Variants in TNFRSF13C observed in about 807,000 individuals in gnomAD.
The protein encoded by TNFRSF13C is TNF receptor superfamily member 13C, also known as tumor necrosis factor receptor superfamily member 13C.
Under a neutral mutation model 12.1 loss-of-function variants are expected in TNFRSF13C, and 7 were observed. The observed-to-expected ratio is 0.58, with a 90% CI of 0.33 to 1.08. The LOEUF is 1.08. Ranked by LOEUF, TNFRSF13C falls within the 50% of genes least tolerant of loss-of-function variation. TNFRSF13C has a pLI of 0.04. For synonymous variants in TNFRSF13C, 157 were observed against 130.8 expected, an observed-to-expected ratio of 1.20 and a Z score of -1.37; for missense variants, 260 against 265.9, an observed-to-expected ratio of 0.98 and a Z score of 0.15.
Position 41,926,384 on chromosome 22 carries a change from GC to G in TNFRSF13C, c.137-54del. ...GCCAGGGGGCCGAGGGGAGGGAGGAGCGGGGACGGGGAGGGGCGGAGGGGGG... is the reference window on the plus strand; with the variant it reads ...GCCAGGGGGCCGAGGGGAGGGAGGAGGGGGACGGGGAGGGGCGGAGGGGGG... On this transcript the variant is annotated intron_variant, in intron 1 of 2. Transcript: ENST00000291232. This position sits in a 1 kb window ranked among gnomAD's most constrained non-coding sequence, Gnocchi z 4.9. 1 of 1,326,476 alleles carries G rather than the reference GC, an allele frequency of 7.5e-7. No individual in the cohort carries two copies. Among genetic ancestry groups the G allele is most frequent in the Non-Finnish European group, 9.6e-7 (1 of 1,040,772 alleles). The allele number at this position is 1,326,476 out of a possible 1,614,324, so 82.2% of individuals were successfully genotyped here.
intron 2 of TNFRSF13C, 141 bp from the exon 3 acceptor site, chr22:41,925,695 TC>T: frequency 9.6e-7 from 1 of 1,039,126 alleles, no homozygotes; most frequent in Non-Finnish European, 1.4e-6. Flanking sequence ...TGACCCTGAG[TC>T]CAGAGGCCTG....
At position 41,926,798 on chromosome 22, in the gene TNFRSF13C, G is replaced by T. The variant is rs2077635748; in HGVS notation, c.-25C>A. Reference sequence around the variant, plus strand: ...TGGTGCCGACGCCGCCGCACAAGCTGCGGGGACTGAGGCTGAGCTGGGCTC... The same window carrying T: ...TGGTGCCGACGCCGCCGCACAAGCTTCGGGGACTGAGGCTGAGCTGGGCTC... On this transcript the variant is annotated 5_prime_UTR_variant, in exon 1 of 3. Coordinates refer to ENST00000291232, the MANE Select transcript of TNFRSF13C (RefSeq NM_052945.4). This position sits in a 1 kb window ranked among gnomAD's most constrained non-coding sequence, Gnocchi z 4.9. 7.6e-7 allele frequency: 1 copy of T among 1,307,898 alleles called. No individual in the cohort carries two copies. 81.0% of individuals were successfully genotyped at this position (1,307,898 alleles called of 1,614,324 possible). A position where few individuals can be genotyped will look rare whatever the true frequency, so the allele number is the denominator to read the frequency against.
chr22:41,922,407 G>C lies in TNFRSF13C; in HGVS notation c.*2960C>G, dbSNP rs1012723148. On this transcript the variant is annotated 3_prime_UTR_variant, in exon 3 of 3. Coordinates refer to ENST00000291232, the MANE Select transcript of TNFRSF13C (RefSeq NM_052945.4). ...TAAATGCATATGAGAATTATCTAAG[G>C]TTCCTTCCTGCCCTTCTCTGGGGAC... 3.9e-5 allele frequency: 6 copies of C among 152,238 alleles called. No individual in the cohort carries two copies. The highest frequency in any genetic ancestry group is 2.6e-4 in the Admixed American group (4 of 15,290). 9.4% of individuals were successfully genotyped at this position (152,238 alleles called of 1,614,324 possible).
chr22:41,923,141 G>C lies in TNFRSF13C; in HGVS notation c.*2226C>G, dbSNP rs1388551550. On this transcript the variant is annotated 3_prime_UTR_variant, in exon 3 of 3. Transcript: ENST00000291232. ...TCCAGAGGCCTGGCAAGGGACAGGA[G>C]GGGCAGGAGAAGCAGGGGTCTACAG... 6.4e-6 allele frequency: 1 copy of C among 155,608 alleles called. No individual in the cohort carries two copies. Among genetic ancestry groups the C allele is most frequent in the Non-Finnish European group, 1.4e-5 (1 of 69,048 alleles). The allele number at this position is 155,608 out of a possible 1,614,324, so 9.6% of individuals were successfully genotyped here. A position where few individuals can be genotyped will look rare whatever the true frequency, so the allele number is the denominator to read the frequency against.
At position 41,923,204 on chromosome 22, in the gene TNFRSF13C, A is replaced by G; in HGVS notation, c.*2163T>C. 1 of 155,458 alleles carries G rather than the reference A, an allele frequency of 6.4e-6. No homozygotes were observed. The highest frequency in any genetic ancestry group is 1.5e-5 in the Non-Finnish European group (1 of 68,960). The allele number at this position is 155,458 out of a possible 1,614,324, so 9.6% of individuals were successfully genotyped here. On this transcript the variant is annotated 3_prime_UTR_variant, in exon 3 of 3. Transcript: ENST00000291232. ...GCAGCTCAGGGGGAGGCAGGCAGAA[A>G]ACATCTGATGCACAGAACAGAACAT...
chr22:41,925,127 CAGG>C lies in TNFRSF13C; in HGVS notation c.*237_*239del, dbSNP rs1299040468. The stretch of plus-strand genomic sequence containing the variant: ...CCCCAGCCTTTTGAAGGCACAGGAA[CAGG>C]AGCTGGGCTACCACCTTCAAGGGCT... On this transcript the variant is annotated 3_prime_UTR_variant, in exon 3 of 3. Transcript: ENST00000291232. 8 of 490,236 alleles carry C rather than the reference CAGG, an allele frequency of 1.6e-5. No homozygotes were observed. Among genetic ancestry groups the C allele is most frequent in the Non-Finnish European group, 2.2e-5 (6 of 275,616 alleles). 30.4% of individuals were successfully genotyped at this position (490,236 alleles called of 1,614,324 possible). A position where few individuals can be genotyped will look rare whatever the true frequency, so the allele number is the denominator to read the frequency against.
At position 41,922,272 on chromosome 22, in the gene TNFRSF13C, A is replaced by G. The variant is rs530025568; in HGVS notation, c.*3095T>C. Reference sequence around the variant, plus strand: ...AATGCCTATCTTCATTTTTTTCACAAAAAAAAATTTAAACAAACACAAACA... The same window carrying G: ...AATGCCTATCTTCATTTTTTTCACAGAAAAAAATTTAAACAAACACAAACA... On this transcript the variant is annotated 3_prime_UTR_variant, in exon 3 of 3. Transcript: ENST00000291232. The G allele has an allele frequency of 6.6e-6, 1 of 152,158 alleles. No homozygotes were observed. The highest frequency in any genetic ancestry group is 1.5e-5 in the Non-Finnish European group (1 of 67,994). The allele number at this position is 152,158 out of a possible 1,614,324, so 9.4% of individuals were successfully genotyped here. A position where few individuals can be genotyped will look rare whatever the true frequency, so the allele number is the denominator to read the frequency against.
Position 41,925,675 on chromosome 22 carries a change from G to A in TNFRSF13C, c.368-121C>T, listed in dbSNP as rs925040712. The A allele has an allele frequency of 1.0e-5, 13 of 1,262,976 alleles. No homozygotes were observed. The African/African-American group carries it at 1.9e-4, about 19-fold the overall frequency. The allele number at this position is 1,262,976 out of a possible 1,614,324, so 78.2% of individuals were successfully genotyped here. ...AGCCCAATGCAGGGTGGGGAGGGGTGGCACCTGGCTGACCCTGAGTCCAGA... is the reference window on the plus strand; with the variant it reads ...AGCCCAATGCAGGGTGGGGAGGGGTAGCACCTGGCTGACCCTGAGTCCAGA... On this transcript the variant is annotated intron_variant, in intron 2 of 2. Coordinates refer to ENST00000291232, the MANE Select transcript of TNFRSF13C (RefSeq NM_052945.4).
intron 2 of TNFRSF13C, 72 bp from the exon 3 acceptor site, chr22:41,925,626 G>GT: frequency 6.4e-7 from 1 of 1,573,694 alleles, no homozygotes; most frequent in Non-Finnish European, 8.6e-7. Flanking sequence ...GACTCCTCTG[G>GT]AGGGGCAGTC....
Position 41,925,571 on chromosome 22 carries a change from T to C in TNFRSF13C, c.368-17A>G, listed in dbSNP as rs541120654. 2 of 1,610,126 alleles carry C rather than the reference T, an allele frequency of 1.2e-6. No homozygotes were observed. The highest frequency in any genetic ancestry group is 1.7e-5 in the Admixed American group (1 of 59,954). ...GCTCTGGGGCTGCAGGCAGAGGGGGTAGAGGCTCCGTACTCAGTCACAGCC... is the reference window on the plus strand; with the variant it reads ...GCTCTGGGGCTGCAGGCAGAGGGGGCAGAGGCTCCGTACTCAGTCACAGCC... On this transcript the variant is annotated splice_polypyrimidine_tract_variant and intron_variant, in intron 2 of 2. Coordinates refer to ENST00000291232, the MANE Select transcript of TNFRSF13C (RefSeq NM_052945.4).
In TNFRSF13C at chr22:41,926,763, C is replaced by T. The variant is rs2077635455; in HGVS notation, c.11G>A (p.Gly4Glu). 2.2e-6 allele frequency: 3 copies of T among 1,355,188 alleles called. No homozygotes were observed. The highest frequency in any genetic ancestry group is 2.7e-4 in the Middle Eastern group (1 of 3,734). The allele number at this position is 1,355,188 out of a possible 1,614,324, so 83.9% of individuals were successfully genotyped here. MRR[G>E]PRSLRGRDAP... ...GTCCCTGCCCCGCAGGCTCCGGGGCCCTCGCCTCATGGTGCCGACGCCGCC... is the reference window on the plus strand; with the variant it reads ...GTCCCTGCCCCGCAGGCTCCGGGGCTCTCGCCTCATGGTGCCGACGCCGCC... The change falls in exon 1 of 3, where the codon GGG becomes GAG. Residue 4 changes from glycine to glutamate, a missense_variant. Physicochemically the swap from Gly to Glu is moderately conservative, Grantham distance 98. Coordinates refer to ENST00000291232, the MANE Select transcript of TNFRSF13C (RefSeq NM_052945.4). The surrounding 1 kb of genome is among the most constrained non-coding windows in gnomAD (Gnocchi z 4.9).
rs577781803 is a variant in TNFRSF13C, at chr22:41,926,117, G to A, written c.351C>T (p.Pro117=). The stretch of plus-strand genomic sequence containing the variant: ...GGAACTCACCGTCCTTGTCTCCGTC[G>A]GGGGCCTCTGCGGAGGACGCGCCGC... ...RLRGASSAEA[P]DGDKDAPEPL... is the part of the protein sequence containing the mutation. Residue 117 remains proline (P), a synonymous_variant, in exon 2 of 3, where the codon CCC becomes CCT. Coordinates refer to ENST00000291232, the MANE Select transcript of TNFRSF13C (RefSeq NM_052945.4). This position sits in a 1 kb window ranked among gnomAD's most constrained non-coding sequence, Gnocchi z 4.9. 3 of 1,612,218 alleles carry A rather than the reference G, an allele frequency of 1.9e-6. No homozygotes were observed. The East Asian group carries it at 6.7e-5, about 36-fold the overall frequency.
Position 41,925,193 on chromosome 22 carries a change from A to G in TNFRSF13C, c.*174T>C. On this transcript the variant is annotated 3_prime_UTR_variant, in exon 3 of 3. Transcript: ENST00000291232. ...GAGGTCTGAAGCCAAAGGCAAGCAC[A>G]CCAAACTCCATGGGGGCTGAATGCT... The G allele has an allele frequency of 6.8e-6, 5 of 734,944 alleles. No individual in the cohort carries two copies. Among genetic ancestry groups the G allele is most frequent in the Non-Finnish European group, 1.1e-5 (5 of 463,438 alleles). 45.5% of individuals were successfully genotyped at this position (734,944 alleles called of 1,614,324 possible). A position where few individuals can be genotyped will look rare whatever the true frequency, so the allele number is the denominator to read the frequency against.
chr22:41,923,401 G>C lies in TNFRSF13C; in HGVS notation c.*1966C>G, dbSNP rs537560817. ...GCAGGAGGGCAGGTAGGAGGCGGCTGACTGAGTGCACAGTGTCGTCCAGGA... is the reference window on the plus strand; with the variant it reads ...GCAGGAGGGCAGGTAGGAGGCGGCTCACTGAGTGCACAGTGTCGTCCAGGA... On this transcript the variant is annotated 3_prime_UTR_variant, in exon 3 of 3. Coordinates refer to ENST00000291232, the MANE Select transcript of TNFRSF13C (RefSeq NM_052945.4). 57 of 154,772 alleles carry C rather than the reference G, an allele frequency of 3.7e-4. No homozygotes were observed. Among genetic ancestry groups the C allele is most frequent in the Admixed American group, 3.4e-3 (52 of 15,310 alleles). The allele number at this position is 154,772 out of a possible 1,614,324, so 9.6% of individuals were successfully genotyped here. A position where few individuals can be genotyped will look rare whatever the true frequency, so the allele number is the denominator to read the frequency against.
At position 41,926,338 on chromosome 22, in the gene TNFRSF13C, CGGGAGGGGACA is replaced by C; in HGVS notation, c.137-18_137-8del. On this transcript the variant is annotated splice_polypyrimidine_tract_variant and splice_region_variant and intron_variant, in intron 1 of 2. Coordinates refer to ENST00000291232, the MANE Select transcript of TNFRSF13C (RefSeq NM_052945.4). The surrounding 1 kb of genome is among the most constrained non-coding windows in gnomAD (Gnocchi z 4.9). ...GCAGGGCTGCTGGCCCCGGCTGCTT[CGGGAGGGGACA>C]GGGAGGGAGGCCAGGGGGCCGAGGG... The C allele has an allele frequency of 8.6e-7, 1 of 1,160,216 alleles. No homozygotes were observed. Among genetic ancestry groups the C allele is most frequent in the South Asian group, 1.7e-5 (1 of 59,572 alleles). The allele number at this position is 1,160,216 out of a possible 1,614,324, so 71.9% of individuals were successfully genotyped here. A position where few individuals can be genotyped will look rare whatever the true frequency, so the allele number is the denominator to read the frequency against.
chr22:41,926,091 C>T lies in TNFRSF13C; in HGVS notation c.367+10G>A. On this transcript the variant is annotated intron_variant, in intron 2 of 2. Coordinates refer to ENST00000291232, the MANE Select transcript of TNFRSF13C (RefSeq NM_052945.4). This position sits in a 1 kb window ranked among gnomAD's most constrained non-coding sequence, Gnocchi z 4.9. ...CCGCTCAGACTGGTTCCCCTACACA[C>T]GGAACTCACCGTCCTTGTCTCCGTC... is the stretch of plus-strand genomic sequence containing the variant. The T allele has an allele frequency of 6.2e-7, 1 of 1,612,496 alleles. No individual in the cohort carries two copies. The highest frequency in any genetic ancestry group is 8.5e-7 in the Non-Finnish European group (1 of 1,179,774).
chr22:41,925,997 A>C (rs980701916), intron 2 of TNFRSF13C, 104 bp downstream of exon 2: 2 of 1,464,122 alleles, frequency 1.4e-6, no homozygotes, highest in Non-Finnish European at 1.9e-6. Context: ...TTCCCCTTAA[A>C]GCCCTTCTCT....
Position 41,926,179 on chromosome 22 carries a change from CCACCAGGACCAG to C in TNFRSF13C, c.277_288del (p.Leu93_Val96del). 1 of 1,610,474 alleles carries C rather than the reference CCACCAGGACCAG, an allele frequency of 6.2e-7. No homozygotes were observed. Among genetic ancestry groups the C allele is most frequent in the Non-Finnish European group, 8.5e-7 (1 of 1,179,572 alleles). On this transcript the variant is annotated inframe_deletion, in exon 2 of 3. Coordinates refer to ENST00000291232, the MANE Select transcript of TNFRSF13C (RefSeq NM_052945.4). This position sits in a 1 kb window ranked among gnomAD's most constrained non-coding sequence, Gnocchi z 4.9. ...TGTCGCCGCCTCCAGCTCACCAGAC[CCACCAGGACCAG>C]CGCCAGGACCAGTGCCAGGCCCAGC...
rs1253708624 is a variant in TNFRSF13C, at chr22:41,922,778, T to G, written c.*2589A>C. 6.5e-5 allele frequency: 1 copy of G among 15,404 alleles called. No homozygotes were observed. 1.0% of individuals were successfully genotyped at this position (15,404 alleles called of 1,614,324 possible). ...TGGGAGATGGGGTGTCAAGAGAAGATGGGGTGGGAGATGGGGTGGCCAGGA... is the reference window on the plus strand; with the variant it reads ...TGGGAGATGGGGTGTCAAGAGAAGAGGGGGTGGGAGATGGGGTGGCCAGGA... On this transcript the variant is annotated 3_prime_UTR_variant, in exon 3 of 3. Transcript: ENST00000291232.
Sources: gnomAD v4.1 joint callset for allele counts on GRCh38, gnomAD v4.1.1 for gene constraint, Gnocchi (gnomAD v3.1) non-coding constraint, MANE v1.5 for transcripts, NCBI Gene and HGNC (gene_info 2026-07-23, HGNC 2026-07-21) for gene names.